Variants in KPNA6 observed in about 807,000 individuals in gnomAD.
The protein encoded by KPNA6 is importin subunit alpha-7.
In KPNA6, 9 loss-of-function variants were observed where a neutral mutation model predicts 72.0. The ratio of observed to expected loss-of-function variants is 0.13; its 90% CI spans 0.08 to 0.22. KPNA6 has a LOEUF of 0.22. Among genes scored for constraint, KPNA6 ranks in the 10% least tolerant of loss-of-function variants. The pLI is 1.00. For synonymous variants in KPNA6, 219 were observed against 242.1 expected, an observed-to-expected ratio of 0.90 and a Z score of 0.89; for missense variants, 374 against 655.7, an observed-to-expected ratio of 0.57 and a Z score of 4.69.
At chr1:32,148,790 C>T (rs1195040866) in intron 1 of KPNA6, among the ~76,000 whole-genome samples, 3 of 151,998 alleles carry the variant, frequency 2.0e-5, no homozygotes, top group African/African-American at 7.2e-5. Context: ...AACATCTGAC[C>T]TTGTGATCCA....
intron 10 of KPNA6, among the ~76,000 whole-genome samples, chr1:32,164,170 C>T (rs1325918256): frequency 2.6e-5 from 4 of 152,136 alleles, no homozygotes; most frequent in Admixed American, 1.3e-4. Flanking sequence ...TATTCTTTCT[C>T]GTCTGGTTTA....
chr1:32,167,887 CTGGTGTAG>C (rs1216860710), intron 12 of KPNA6, among the ~76,000 whole-genome samples: 2 of 151,590 alleles, frequency 1.3e-5, no homozygotes, highest in Admixed American at 6.6e-5. Flanking sequence ...AACAAGCAAG[CTGGTGTAG>C]TGGCTCATGT....
In KPNA6 at chr1:32,162,502, C is replaced by T. The variant is rs377221347; in HGVS notation, c.889C>T (p.Arg297Trp). ...GGCAGTCATAGACTCCGGAGTCTGC[C>T]GGAGATTGGTAGAGCTGCTGATGTG... ...IQAVIDSGVC[R>W]RLVELLMHND... Residue 297 changes from arginine to tryptophan, a missense_variant, in exon 9 of 14, where the codon CGG becomes TGG. Physicochemically the swap from Arg to Trp is moderately radical, Grantham distance 101. Around this residue, in one of 3 missense-constraint regions of KPNA6, gnomAD observed 298 missense variants for 495.4 expected, o/e 0.60. Coordinates refer to ENST00000373625, the MANE Select transcript of KPNA6 (RefSeq NM_012316.5). The T allele has an allele frequency of 1.9e-6, 3 of 1,613,774 alleles. No homozygotes were observed. The highest frequency in any genetic ancestry group is 2.5e-6 in the Non-Finnish European group (3 of 1,180,020).
intron 1 of KPNA6, among the ~76,000 whole-genome samples, chr1:32,140,985 G>T (rs79075774): frequency 6.6e-6 from 1 of 152,114 alleles, no homozygotes; most frequent in Non-Finnish European, 1.5e-5. Context: ...CTTGTGTATT[G>T]TGGGTTATCT....
intron 1 of KPNA6, among the ~76,000 whole-genome samples, chr1:32,112,390 A>G (rs60643378): frequency 0.026 from 3,963 of 152,298 alleles, 179 homozygotes; most frequent in African/African-American, 0.089. Flanking sequence ...AGCAAGTCAC[A>G]TGAATTTTTC....
In KPNA6 at chr1:32,160,616, C is replaced by T; in HGVS notation, c.560C>T (p.Ala187Val). The change falls in exon 7 of 14, where the codon GCA becomes GTA. Residue 187 changes from alanine to valine, a missense_variant and splice_region_variant. Ala to Val is a moderately conservative substitution (Grantham distance 64). This residue lies in a region of KPNA6 where 298 missense variants were observed against 495.4 expected (regional missense o/e 0.60). Transcript: ENST00000373625. ...ACAGTTTCATTATCCCCTTTTCAGG[C>T]AGTCTGGGCACTGGGAAACATAGCT... is the stretch of plus-strand genomic sequence containing the variant. ...NSDFEDVQEQ[A>V]VWALGNIAGD... The T allele has an allele frequency of 6.2e-7, 1 of 1,613,208 alleles. No individual in the cohort carries two copies.
chr1:32,113,112 C>T (rs1056289348), intron 1 of KPNA6, among the ~76,000 whole-genome samples: 4 of 152,004 alleles, frequency 2.6e-5, no homozygotes, highest in East Asian at 1.9e-4. Flanking sequence ...CTAAATCTGC[C>T]GGTCTTGGTG....
chr1:32,148,148 A>G (rs1039566010), intron 1 of KPNA6, among the ~76,000 whole-genome samples: 3 of 152,154 alleles, frequency 2.0e-5, no homozygotes, highest in African/African-American at 7.2e-5. Context: ...TCTATCACCC[A>G]GGCTGGAGTA....
chr1:32,144,207 C>T (rs545091601), intron 1 of KPNA6, among the ~76,000 whole-genome samples: 63 of 152,242 alleles, frequency 4.1e-4, no homozygotes, highest in South Asian at 6.2e-4. Flanking sequence ...GATGACTTGA[C>T]CACAAACACT....
intron 1 of KPNA6, among the ~76,000 whole-genome samples, chr1:32,126,533 T>C (rs111558115): frequency 0.13 from 19,553 of 151,830 alleles, 1,693 homozygotes; most frequent in South Asian, 0.25. Context: ...TACAGGCGCC[T>C]GCCACTACAC....
chr1:32,148,369 C>T (rs1641968463), intron 1 of KPNA6, among the ~76,000 whole-genome samples: 1 of 151,334 alleles, frequency 6.6e-6, no homozygotes, highest in South Asian at 2.1e-4. Context: ...ATCTCGAACT[C>T]CTGACCTCAG....
intron 1 of KPNA6, among the ~76,000 whole-genome samples, chr1:32,138,892 T>C (rs1181522814): frequency 1.3e-5 from 2 of 152,192 alleles, no homozygotes; most frequent in African/African-American, 2.4e-5. Context: ...TTGTGTCCTG[T>C]AGTTTTTATA....
At chr1:32,157,557 C>A in intron 4 of KPNA6, 112 bp downstream of exon 4, 1 of 720,984 alleles carries the variant, frequency 1.4e-6, no homozygotes, top group Non-Finnish European at 2.4e-6. Context: ...GCCCTACTGA[C>A]CTTGGTGTTG....
intron 1 of KPNA6, among the ~76,000 whole-genome samples, chr1:32,115,082 C>T (rs568078375): frequency 4.6e-5 from 7 of 152,108 alleles, no homozygotes; most frequent in South Asian, 2.1e-4. Flanking sequence ...TCAAGTGATC[C>T]GCCCACCTCA....
intron 1 of KPNA6, among the ~76,000 whole-genome samples, chr1:32,120,709 G>A (rs1641417238): frequency 6.6e-6 from 1 of 150,460 alleles, no homozygotes; most frequent in Non-Finnish European, 1.5e-5. Flanking sequence ...TGGGATTACA[G>A]GCGCCTGCCA....
chr1:32,124,817 T>G (rs753662752), intron 1 of KPNA6, among the ~76,000 whole-genome samples: 18 of 150,400 alleles, frequency 1.2e-4, no homozygotes, highest in Non-Finnish European at 2.4e-4. Flanking sequence ...GGCCTCGTCT[T>G]TTTTTAAGAG....
intron 1 of KPNA6, among the ~76,000 whole-genome samples, chr1:32,108,917 G>A (rs530410073): frequency 4.5e-4 from 69 of 152,352 alleles, no homozygotes; most frequent in Non-Finnish European, 2.1e-4. Flanking sequence ...TTTGGATTTA[G>A]AGACAGAACC....
chr1:32,110,438 GTAGAA>G (rs1265685833), intron 1 of KPNA6, among the ~76,000 whole-genome samples: 2 of 152,160 alleles, frequency 1.3e-5, no homozygotes, highest in African/African-American at 2.4e-5. Context: ...GGCAATGACT[GTAGAA>G]TCAGATCTGG....
At chr1:32,144,161 C>G (rs1246080697) in intron 1 of KPNA6, among the ~76,000 whole-genome samples, 1 of 152,154 alleles carries the variant, frequency 6.6e-6, no homozygotes, top group Non-Finnish European at 1.5e-5. Context: ...AGCATCATCA[C>G]TTTTGCACTT....
Sources: gnomAD v4.1 joint callset for allele counts (sites outside exome capture counted in the v4.1 genomes callset) on GRCh38, gnomAD v4.1.1 for gene constraint, gnomAD v4.1.1 regional missense constraint, MANE v1.5 for transcripts, NCBI Gene and HGNC (gene_info 2026-07-23, HGNC 2026-07-21) for gene names.